SDF2L1: variants seen among roughly 807,000 people sequenced by gnomAD.
SDF2L1 encodes the protein stromal cell derived factor 2 like 1.
A neutral mutation model predicts 19.4 loss-of-function variants in SDF2L1; 18 were observed. That is an observed-to-expected ratio of 0.93 (90% CI 0.64 to 1.38). SDF2L1 has a LOEUF of 1.38. SDF2L1 is among the 40% of genes most tolerant of loss of function. The pLI is 0.00. For missense variants in SDF2L1, 263 were observed against 319.4 expected (o/e 0.82, Z 1.35); for synonymous variants, 161 against 148.9 (o/e 1.08, Z -0.59).
Position 21,642,381 on chromosome 22 carries a change from G to C in SDF2L1, c.45G>C (p.Leu15Phe). The C allele has an allele frequency of 6.9e-7, 1 of 1,442,808 alleles. No individual in the cohort carries two copies. The highest frequency in any genetic ancestry group is 9.0e-7 in the Non-Finnish European group (1 of 1,108,510). The allele number at this position is 1,442,808 out of a possible 1,614,324, so 89.4% of individuals were successfully genotyped here. A position where few individuals can be genotyped will look rare whatever the true frequency, so the allele number is the denominator to read the frequency against. Residue 15 changes from leucine to phenylalanine, a missense_variant, in exon 1 of 3, where the codon TTG becomes TTC. Leu to Phe is a conservative substitution (Grantham distance 22, BLOSUM62 0). Coordinates refer to ENST00000248958, the MANE Select transcript of SDF2L1 (RefSeq NM_022044.3). ...GCGGGGCTGCCTGGCCGGTGCTGTT[G>C]GGGCTGCTGCTGGCGCTGTTAGTGC... is the stretch of plus-strand genomic sequence containing the variant. ...GRGGAAWPVL[L>F]GLLLALLVPG...
In SDF2L1 at chr22:21,644,116, A is replaced by T. The variant is rs766585481; in HGVS notation, c.607A>T (p.Met203Leu). 1 of 1,614,182 alleles carries T rather than the reference A, an allele frequency of 6.2e-7. No individual in the cohort carries two copies. Among genetic ancestry groups the T allele is most frequent in the Admixed American group, 1.7e-5 (1 of 60,026 alleles). ...SANTHNTWKA[M>L]EGIFIKPSVE... is the part of the protein sequence containing the mutation. ...CAACACGCACAATACGTGGAAGGCC[A>T]TGGAAGGCATCTTCATCAAGCCTAG... is the stretch of plus-strand genomic sequence containing the variant. Residue 203 changes from methionine to leucine, a missense_variant, in exon 3 of 3, where the codon ATG becomes TTG. By Grantham distance (15) the Met-to-Leu change is conservative (BLOSUM62 2). This residue lies in a region of SDF2L1 where 203 missense variants were observed against 256.9 expected (regional missense o/e 0.79). Coordinates refer to ENST00000248958, the MANE Select transcript of SDF2L1 (RefSeq NM_022044.3).
At position 21,644,052 on chromosome 22, in the gene SDF2L1, C is replaced by A. The variant is rs778853474; in HGVS notation, c.543C>A (p.Pro181=). 6.2e-7 allele frequency: 1 copy of A among 1,614,172 alleles called. No individual in the cohort carries two copies. The highest frequency in any genetic ancestry group is 1.7e-5 in the Admixed American group (1 of 60,018). ...LSVTGEQYGS[P]IRGQHEVHGM... Reference sequence around the variant, plus strand: ...TCACGGGTGAGCAGTATGGAAGCCCCATCCGTGGGCAGCATGAGGTCCACG... The same window carrying A: ...TCACGGGTGAGCAGTATGGAAGCCCAATCCGTGGGCAGCATGAGGTCCACG... The change falls in exon 3 of 3, where the codon CCC becomes CCA. Residue 181 remains proline, a synonymous_variant. Transcript: ENST00000248958.
At chr22:21,643,095 C>A (rs2148472424) in intron 2 of SDF2L1, 37 bp downstream of exon 2, 2 of 1,545,046 alleles carry the variant, frequency 1.3e-6, no homozygotes, top group Middle Eastern at 2.1e-4. Context: ...AGACTCCTGG[C>A]CTGTGTGAGG....
intron 2 of SDF2L1, among the ~76,000 whole-genome samples, chr22:21,643,524 G>A (rs2066097486): frequency 6.6e-6 from 1 of 152,240 alleles, no homozygotes; most frequent in Admixed American, 6.5e-5. Flanking sequence ...AACAGTGGGT[G>A]CCCTTGGGGA....
intron 2 of SDF2L1, among the ~76,000 whole-genome samples, chr22:21,643,609 G>A (rs2066098066): frequency 6.6e-6 from 1 of 152,206 alleles, no homozygotes. Context: ...TAGGCTGAAG[G>A]TAGGTCAGAG....
intron 1 of SDF2L1, 25 bp from the exon 2 acceptor site, chr22:21,642,837 G>T (rs748553508): frequency 3.8e-6 from 6 of 1,577,916 alleles, no homozygotes; most frequent in East Asian, 2.3e-5. Context: ...CGGAGACCCT[G>T]GGTGTGTGGG....
chr22:21,643,051 A>C lies in SDF2L1; in HGVS notation c.377A>C (p.Asn126Thr). The change falls in exon 2 of 3, where the codon AAC becomes ACC. Residue 126 changes from asparagine (N) to threonine (T), a missense_variant. This residue lies in a region of SDF2L1 where 203 missense variants were observed against 256.9 expected (regional missense o/e 0.79). Coordinates refer to ENST00000248958, the MANE Select transcript of SDF2L1 (RefSeq NM_022044.3). ...CACCACTTCCCGTCGCCGCTGTCCAACAACCAGGTGAGCCCCTCCCGGAGC... is the reference window on the plus strand; with the variant it reads ...CACCACTTCCCGTCGCCGCTGTCCACCAACCAGGTGAGCCCCTCCCGGAGC... The part of the protein sequence containing the change: ...HTHHFPSPLS[N>T]NQEVSAFGED... The C allele has an allele frequency of 6.4e-7, 1 of 1,554,578 alleles. No homozygotes were observed. The highest frequency in any genetic ancestry group is 8.7e-7 in the Non-Finnish European group (1 of 1,149,704).
At position 21,642,975 on chromosome 22, in the gene SDF2L1, G is replaced by C. The variant is rs1244661619; in HGVS notation, c.301G>C (p.Gly101Arg). Reference sequence around the variant, plus strand: ...CCCGCGCGGGTCCCCGGTGCGCTGCGGGCAGGCGGTGAGGCTCACGCATGT... The same window carrying C: ...CCCGCGCGGGTCCCCGGTGCGCTGCCGGCAGGCGGTGAGGCTCACGCATGT... ...GCPRGSPVRC[G>R]QAVRLTHVLT... The change falls in exon 2 of 3, where the codon GGG becomes CGG. Residue 101 changes from glycine (G) to arginine (R), a missense_variant. Coordinates refer to ENST00000248958, the MANE Select transcript of SDF2L1 (RefSeq NM_022044.3). 6.4e-7 allele frequency: 1 copy of C among 1,568,830 alleles called. No individual in the cohort carries two copies. Among genetic ancestry groups the C allele is most frequent in the Non-Finnish European group, 8.6e-7 (1 of 1,158,412 alleles).
Position 21,642,924 on chromosome 22 carries a change from A to C in SDF2L1, c.250A>C (p.Ile84Leu). 6 of 1,586,328 alleles carry C rather than the reference A, an allele frequency of 3.8e-6. No individual in the cohort carries two copies. Among genetic ancestry groups the C allele is most frequent in the Non-Finnish European group, 5.1e-6 (6 of 1,168,258 alleles). Reference protein sequence around the residue: ...ASDDANSYWRIRGGSEGGCPR... With the variant: ...ASDDANSYWRLRGGSEGGCPR... ...GGACGACGCCAATAGCTACTGGCGGATCCGCGGCGGCTCGGAGGGCGGGTG... is the reference window on the plus strand; with the variant it reads ...GGACGACGCCAATAGCTACTGGCGGCTCCGCGGCGGCTCGGAGGGCGGGTG... The change falls in exon 2 of 3, where the codon ATC (isoleucine) becomes CTC (leucine). Residue 84 changes from isoleucine (I) to leucine (L), a missense_variant. Physicochemically the swap from Ile to Leu is conservative, Grantham distance 5. Around this residue, in one of 3 missense-constraint regions of SDF2L1, gnomAD observed 203 missense variants for 256.9 expected, o/e 0.79. Coordinates refer to ENST00000248958, the MANE Select transcript of SDF2L1 (RefSeq NM_022044.3).
At chr22:21,643,141 T>C in intron 2 of SDF2L1, 83 bp downstream of exon 2, 1 of 1,454,120 alleles carries the variant, frequency 6.9e-7, no homozygotes, top group South Asian at 1.3e-5. Flanking sequence ...AATCCGAGCC[T>C]CAGCTTCTTC....
At position 21,642,364 on chromosome 22, in the gene SDF2L1, G is replaced by T. The variant is rs201526185; in HGVS notation, c.28G>T (p.Ala10Ser). The change falls in exon 1 of 3, where the codon GCC becomes TCC. Residue 10 changes from alanine (A) to serine (S), a missense_variant. Ala to Ser is a moderately conservative substitution (Grantham distance 99). Coordinates refer to ENST00000248958, the MANE Select transcript of SDF2L1 (RefSeq NM_022044.3). MWSAGRGGA[A>S]WPVLLGLLLA... ...GTGGAGCGCGGGCCGCGGCGGGGCT[G>T]CCTGGCCGGTGCTGTTGGGGCTGCT... is the stretch of plus-strand genomic sequence containing the variant. 7.1e-7 allele frequency: 1 copy of T among 1,408,186 alleles called. No homozygotes were observed. The highest frequency in any genetic ancestry group is 9.2e-7 in the Non-Finnish European group (1 of 1,088,726). 87.2% of individuals were successfully genotyped at this position (1,408,186 alleles called of 1,614,324 possible). A position where few individuals can be genotyped will look rare whatever the true frequency, so the allele number is the denominator to read the frequency against.
At chr22:21,642,642 G>T (rs1437876339) in intron 1 of SDF2L1, 119 bp downstream of exon 1, 10 of 1,294,082 alleles carry the variant, frequency 7.7e-6, no homozygotes, top group South Asian at 2.9e-5. Context: ...GGGGGCTCTA[G>T]AGTCGTTGGG....
rs561080656 is a variant in SDF2L1 at position 21,643,055 on chromosome 22, C to T, written c.381C>T (p.Asn127=). 2.6e-6 allele frequency: 4 copies of T among 1,553,568 alleles called. No homozygotes were observed. The highest frequency in any genetic ancestry group is 3.5e-6 in the Non-Finnish European group (4 of 1,149,224). The change falls in exon 2 of 3, where the codon AAC becomes AAT. Residue 127 remains asparagine (N), a synonymous_variant. Transcript: ENST00000248958. ...THHFPSPLSN[N]QEVSAFGEDG... is the part of the protein sequence containing the mutation. ...ACTTCCCGTCGCCGCTGTCCAACAACCAGGTGAGCCCCTCCCGGAGCCCCC... is the reference window on the plus strand; with the variant it reads ...ACTTCCCGTCGCCGCTGTCCAACAATCAGGTGAGCCCCTCCCGGAGCCCCC...
rs1054668554 is a variant in SDF2L1 at position 21,642,652 on chromosome 22, G to C, written c.187+129G>C. 14 of 1,248,458 alleles carry C rather than the reference G, an allele frequency of 1.1e-5. No individual in the cohort carries two copies. The African/African-American group carries it at 2.1e-4, about 19-fold the overall frequency. 77.3% of individuals were successfully genotyped at this position (1,248,458 alleles called of 1,614,324 possible). A position where few individuals can be genotyped will look rare whatever the true frequency, so the allele number is the denominator to read the frequency against. ...GCGGCGGGGGCTCTAGAGTCGTTGG[G>C]AGGTCGAGGGGCCAAAGCTTTGAGG... is the stretch of plus-strand genomic sequence containing the variant. On this transcript the variant is annotated intron_variant, in intron 1 of 2. Transcript: ENST00000248958.
rs769809814 is a variant in SDF2L1, at chr22:21,643,010, C to A, written c.336C>A (p.Gly112=). 7.0e-6 allele frequency: 11 copies of A among 1,562,656 alleles called. No homozygotes were observed. Among genetic ancestry groups the A allele is most frequent in the Middle Eastern group, 1.9e-4 (1 of 5,204 alleles). ...QAVRLTHVLT[G]KNLHTHHFPS... ...TGAGGCTCACGCATGTGCTTACGGG[C>A]AAGAACCTGCACACGCACCACTTCC... Residue 112 remains glycine (G), a synonymous_variant, in exon 2 of 3, where the codon GGC becomes GGA. Coordinates refer to ENST00000248958, the MANE Select transcript of SDF2L1 (RefSeq NM_022044.3).
In SDF2L1 at chr22:21,642,364, G is replaced by C. The variant is rs201526185; in HGVS notation, c.28G>C (p.Ala10Pro). MWSAGRGGA[A>P]WPVLLGLLLA... ...GTGGAGCGCGGGCCGCGGCGGGGCT[G>C]CCTGGCCGGTGCTGTTGGGGCTGCT... is the stretch of plus-strand genomic sequence containing the variant. The change falls in exon 1 of 3, where the codon GCC (alanine) becomes CCC (proline). Residue 10 changes from alanine (A) to proline (P), a missense_variant. Around this residue, in one of 3 missense-constraint regions of SDF2L1, gnomAD observed 56 missense variants for 45.3 expected, o/e 1.24. Transcript: ENST00000248958. The C allele has an allele frequency of 5.8e-4, 814 of 1,408,186 alleles. 9 individuals are homozygous for C. The African/African-American group carries it at 0.011, about 18-fold the overall frequency. 87.2% of individuals were successfully genotyped at this position (1,408,186 alleles called of 1,614,324 possible). A position where few individuals can be genotyped will look rare whatever the true frequency, so the allele number is the denominator to read the frequency against.
chr22:21,643,263 A>T, intron 2 of SDF2L1: 1 of 633,472 alleles, frequency 1.6e-6, no homozygotes, highest in Non-Finnish European at 2.7e-6. Context: ...AGGGAGAACG[A>T]CGGGAGAGAG....
chr22:21,642,890 A>G lies in SDF2L1; in HGVS notation c.216A>G (p.Val72=). The G allele has an allele frequency of 6.3e-7, 1 of 1,597,246 alleles. No individual in the cohort carries two copies. Among genetic ancestry groups the G allele is most frequent in the Middle Eastern group, 2.2e-4 (1 of 4,516 alleles). Residue 72 remains valine, a synonymous_variant, in exon 2 of 3, where the codon GTA becomes GTG. Transcript: ENST00000248958. ...GCGGCCAGCAATCGGTGACCGGCGTAGAGGCGTCGGACGACGCCAATAGCT... is the reference window on the plus strand; with the variant it reads ...GCGGCCAGCAATCGGTGACCGGCGTGGAGGCGTCGGACGACGCCAATAGCT... ...SGSGQQSVTG[V]EASDDANSYW... is the part of the protein sequence containing the mutation.
In SDF2L1 at chr22:21,643,967, A is replaced by C; in HGVS notation, c.458A>C (p.His153Pro). ...TGGACAGTGCGCTGCTCTGGACAGC[A>C]CTGGGAGCGTGAGGCTGCTGTGCGC... ...DLWTVRCSGQ[H>P]WEREAAVRFQ... Residue 153 changes from histidine (H) to proline (P), a missense_variant, in exon 3 of 3, where the codon CAC becomes CCC. Coordinates refer to ENST00000248958, the MANE Select transcript of SDF2L1 (RefSeq NM_022044.3). 1 of 1,614,156 alleles carries C rather than the reference A, an allele frequency of 6.2e-7. No homozygotes were observed. The highest frequency in any genetic ancestry group is 8.5e-7 in the Non-Finnish European group (1 of 1,180,018).
Sources: allele counts gnomAD v4.1 joint callset (sites outside exome capture counted in the v4.1 genomes callset), GRCh38; gene constraint gnomAD v4.1.1; regional missense constraint gnomAD v4.1.1; transcripts MANE v1.5; gene names NCBI Gene and HGNC (gene_info 2026-07-23, HGNC 2026-07-21).